Variants in STX8 observed in about 807,000 individuals in gnomAD.
The protein encoded by STX8 is syntaxin-8.
Under a neutral mutation model 37.5 loss-of-function variants are expected in STX8, and 23 were observed. That is an observed-to-expected ratio of 0.61 (90% CI 0.44 to 0.87). STX8 has a LOEUF of 0.87. Ranked by LOEUF, STX8 falls within the 40% of genes least tolerant of loss-of-function variation. STX8 has a pLI of 0.00. For missense variants in STX8, 313 were observed against 284.7 expected, an observed-to-expected ratio of 1.10 and a Z score of -0.71; for synonymous variants, 115 against 99.1, an observed-to-expected ratio of 1.16 and a Z score of -0.95.
intron 1 of STX8, among the ~76,000 whole-genome samples, chr17:9,572,397 TTG>T (rs1327052398): frequency 1.4e-5 from 2 of 147,256 alleles, no homozygotes; most frequent in Non-Finnish European, 3.0e-5. Flanking sequence ...TTTTTATAGG[TTG>T]TTTTTGTTTG....
At chr17:9,266,840 C>T (rs1472235521) in intron 7 of STX8, among the ~76,000 whole-genome samples, 3 of 152,192 alleles carry the variant, frequency 2.0e-5, no homozygotes, top group Admixed American at 1.3e-4. Context: ...AGCGGCCAGA[C>T]GTGGGCCTTT....
In STX8 at chr17:9,568,484, G is replaced by A. The variant is rs770260473; in HGVS notation, c.18-14C>T. The A allele has an allele frequency of 1.8e-5, 29 of 1,601,230 alleles. No homozygotes were observed. The highest frequency in any genetic ancestry group is 1.0e-4 in the Admixed American group (6 of 59,036). ...TATGTGGAGAACCTGCACCAAAGTC[G>A]TAAAAAGAGAAAATGTTTAAGGTTC... On this transcript the variant is annotated splice_polypyrimidine_tract_variant and intron_variant, in intron 1 of 7. Transcript: ENST00000306357.
chr17:9,325,860 G>C (rs1170138016), intron 7 of STX8, among the ~76,000 whole-genome samples: 1 of 152,254 alleles, frequency 6.6e-6, no homozygotes, highest in African/African-American at 2.4e-5. Flanking sequence ...CCAGCCAGGT[G>C]CAATGACTCT....
rs1260889861 is a variant in STX8 at position 9,375,090 on chromosome 17, G to A, written c.643+3462C>T. ...AAAAAAAAAAAAAAAAAAAAAAGAA[G>A]AATTTTCTTTTTTCAGTATCTACTT... On this transcript the variant is annotated intron_variant, in intron 7 of 7. Transcript: ENST00000306357. Among the ~76,000 whole-genome samples, 1,300 of 139,080 alleles carry A rather than the reference G, an allele frequency of 9.3e-3. 12 individuals are homozygous for A. Among genetic ancestry groups the A allele is most frequent in the Non-Finnish European group, 0.013 (824 of 63,928 alleles). The allele number at this position is 139,080 out of a possible 152,430, so 91.2% of individuals were successfully genotyped here.
intron 6 of STX8, among the ~76,000 whole-genome samples, chr17:9,471,978 G>A (rs1394552490): frequency 1.3e-5 from 2 of 151,820 alleles, no homozygotes; most frequent in Non-Finnish European, 2.9e-5. Context: ...ATACTCAACT[G>A]ATGTTCCTGA....
intron 7 of STX8, among the ~76,000 whole-genome samples, chr17:9,300,530 G>T (rs2142176563): frequency 6.6e-6 from 1 of 152,060 alleles, no homozygotes; most frequent in South Asian, 2.1e-4. Context: ...TCTACTTCTT[G>T]TTGAGCTTTT....
At chr17:9,389,007 A>G (rs559174368) in intron 6 of STX8, among the ~76,000 whole-genome samples, 117 of 152,330 alleles carry the variant, frequency 7.7e-4, no homozygotes, top group East Asian at 5.8e-3. Flanking sequence ...GAATGTTTCT[A>G]TATTTCTAAA....
chr17:9,300,071 C>T (rs970538585), intron 7 of STX8, among the ~76,000 whole-genome samples: 1 of 152,050 alleles, frequency 6.6e-6, no homozygotes, highest in African/African-American at 2.4e-5. Context: ...GTGGCTCATG[C>T]CTATAATCCC....
chr17:9,352,502 C>T (rs1282352658), intron 7 of STX8, among the ~76,000 whole-genome samples: 1 of 114,484 alleles, frequency 8.7e-6, no homozygotes, highest in Non-Finnish European at 1.7e-5. Context: ...GAGTCTTGCT[C>T]TGTGGCCCAG....
At position 9,573,088 on chromosome 17, in the gene STX8, C is replaced by G. The variant is rs866431766; in HGVS notation, c.17+2704G>C. On this transcript the variant is annotated intron_variant, in intron 1 of 7. Transcript: ENST00000306357. ...CTAAGCCCACCCCCAACACCCCCCCCCACCCCCGCAACCATCTGAACGGAC... is the reference window on the plus strand; with the variant it reads ...CTAAGCCCACCCCCAACACCCCCCCGCACCCCCGCAACCATCTGAACGGAC... 2.4e-4 allele frequency among the ~76,000 whole-genome samples: 35 copies of G among 143,270 alleles called. No individual in the cohort carries two copies. In the Middle Eastern group the frequency reaches 0.024, roughly 99 times the overall value. The allele number at this position is 143,270 out of a possible 152,430, so 94.0% of individuals were successfully genotyped here.
chr17:9,479,487 T>C (rs1340388290), intron 6 of STX8, among the ~76,000 whole-genome samples: 1 of 151,296 alleles, frequency 6.6e-6, no homozygotes, highest in Non-Finnish European at 1.5e-5. Context: ...TGAGCTGAGA[T>C]CGTGCCACTG....
intron 4 of STX8, among the ~76,000 whole-genome samples, chr17:9,517,182 T>C (rs1905181670): frequency 6.6e-6 from 1 of 152,162 alleles, no homozygotes; most frequent in South Asian, 2.1e-4. Flanking sequence ...TTATCTTGCT[T>C]AATTTTTCTT....
chr17:9,393,799 G>A (rs1277073180), intron 6 of STX8, among the ~76,000 whole-genome samples: 2 of 152,164 alleles, frequency 1.3e-5, no homozygotes, highest in Non-Finnish European at 1.5e-5. Context: ...CAGAGGACAG[G>A]TCAGTCAGTG....
chr17:9,513,070 C>T (rs1006864848), intron 4 of STX8, among the ~76,000 whole-genome samples: 11 of 152,072 alleles, frequency 7.2e-5, no homozygotes, highest in African/African-American at 2.4e-4. Context: ...GCAAAGGAAA[C>T]AGTCAATAGA....
intron 7 of STX8, among the ~76,000 whole-genome samples, chr17:9,335,446 C>G (rs991799265): frequency 1.3e-5 from 2 of 152,164 alleles, no homozygotes; most frequent in African/African-American, 4.8e-5. Flanking sequence ...ATCTAATCAC[C>G]TCTTAAAGGT....
At chr17:9,564,660 T>G (rs1907383827) in intron 2 of STX8, among the ~76,000 whole-genome samples, 1 of 151,990 alleles carries the variant, frequency 6.6e-6, no homozygotes. Flanking sequence ...GAGGTAAAGA[T>G]CTCTACAAGA....
intron 6 of STX8, among the ~76,000 whole-genome samples, chr17:9,435,838 A>T (rs568592461): frequency 6.6e-6 from 1 of 152,308 alleles, no homozygotes; most frequent in East Asian, 1.9e-4. Context: ...TCATTCTACA[A>T]TGTATATATA....
intron 6 of STX8, among the ~76,000 whole-genome samples, chr17:9,420,342 T>C (rs1440251117): frequency 6.6e-6 from 1 of 152,194 alleles, no homozygotes; most frequent in African/African-American, 2.4e-5. Context: ...GCAGGTGTTC[T>C]CATCAATTAT....
At chr17:9,317,992 G>A (rs1446711398) in intron 7 of STX8, among the ~76,000 whole-genome samples, 1 of 152,098 alleles carries the variant, frequency 6.6e-6, no homozygotes, top group African/African-American at 2.4e-5. Context: ...GCTTCCCATT[G>A]GCCTTTCTAC....
Sources: gnomAD v4.1 joint callset for allele counts (sites outside exome capture counted in the v4.1 genomes callset) on GRCh38, gnomAD v4.1.1 for gene constraint, MANE v1.5 for transcripts, NCBI Gene and HGNC (gene_info 2026-07-23, HGNC 2026-07-21) for gene names.